COMMD10: variants seen among roughly 807,000 people sequenced by gnomAD.
COMMD10 encodes COMM domain containing 10.
A neutral mutation model predicts 28.9 loss-of-function variants in COMMD10; 33 were observed. The observed-to-expected ratio is 1.14, with a 90% confidence interval of 0.87 to 1.53. The LOEUF (loss-of-function observed/expected upper bound fraction) is 1.53. Among genes scored for constraint, COMMD10 ranks in the 40% most tolerant of loss-of-function variants. The pLI is 0.00. For missense variants in COMMD10, 310 were observed against 233.4 expected, an observed-to-expected ratio of 1.33 and a Z score of -2.14; for synonymous variants, 110 against 81.7, an observed-to-expected ratio of 1.35 and a Z score of -1.87.
At chr5:116,119,384 C>T (rs899942276) in intron 4 of COMMD10, among the ~76,000 whole-genome samples, 1 of 152,074 alleles carries the variant, frequency 6.6e-6, no homozygotes, top group African/African-American at 2.4e-5. Flanking sequence ...GTACAGAGTG[C>T]CAAAATGAAT....
chr5:116,206,095 G>C (rs1748804912), intron 5 of COMMD10, among the ~76,000 whole-genome samples: 1 of 152,190 alleles, frequency 6.6e-6, no homozygotes, highest in Non-Finnish European at 1.5e-5. Context: ...AATATCTTCA[G>C]ATCAAACGTT....
At chr5:116,167,587 G>A (rs938714054) in intron 5 of COMMD10, among the ~76,000 whole-genome samples, 2 of 152,278 alleles carry the variant, frequency 1.3e-5, no homozygotes, top group Middle Eastern at 6.8e-3. Context: ...GTTAAGGGCA[G>A]CCAGAGAGAC....
intron 5 of COMMD10, among the ~76,000 whole-genome samples, chr5:116,259,577 G>A (rs55708487): frequency 0.36 from 54,800 of 151,110 alleles, 12,373 homozygotes; most frequent in African/African-American, 0.64. Flanking sequence ...GAGAGCCTAG[G>A]CTGAACAGTC....
At chr5:116,116,756 G>T (rs943501478) in intron 4 of COMMD10, among the ~76,000 whole-genome samples, 5 of 143,074 alleles carry the variant, frequency 3.5e-5, no homozygotes, top group African/African-American at 1.3e-4. Context: ...CTGTCGCCCA[G>T]GCCGGACTGT....
intron 5 of COMMD10, among the ~76,000 whole-genome samples, chr5:116,227,838 C>T (rs1309063396): frequency 6.6e-6 from 1 of 152,034 alleles, no homozygotes; most frequent in African/African-American, 2.4e-5. Flanking sequence ...CACCCAGGGA[C>T]ATCAGTGTGT....
chr5:116,110,037 C>T (rs1168464760), intron 4 of COMMD10, among the ~76,000 whole-genome samples: 3 of 152,104 alleles, frequency 2.0e-5, no homozygotes, highest in Non-Finnish European at 4.4e-5. Flanking sequence ...TATTATGATG[C>T]ATATTTCTTC....
chr5:116,102,915 G>A (rs1483489931), intron 4 of COMMD10, among the ~76,000 whole-genome samples: 1 of 152,124 alleles, frequency 6.6e-6, no homozygotes, highest in African/African-American at 2.4e-5. Context: ...AGAACATGCG[G>A]TGTTTGGTTT....
intron 5 of COMMD10, among the ~76,000 whole-genome samples, chr5:116,150,557 T>C (rs1580492432): frequency 2.1e-5 from 3 of 141,464 alleles, no homozygotes; most frequent in African/African-American, 2.9e-5. Flanking sequence ...TAGTTCTCCT[T>C]GAAGAGGTCC....
chr5:116,143,284 A>G (rs1752250115), intron 5 of COMMD10, among the ~76,000 whole-genome samples: 1 of 151,768 alleles, frequency 6.6e-6, no homozygotes, highest in South Asian at 2.1e-4. Context: ...TTATAAGCTA[A>G]CAAAAATACT....
chr5:116,218,161 A>T lies in COMMD10; in HGVS notation c.511-73356A>T, dbSNP rs143504097. ...TGGGTACCTTCTCTCCCTTCTTTGC[A>T]GGGGCCTTTTTAGGCCTGGGCTCTG... On this transcript the variant is annotated intron_variant, in intron 5 of 6. Coordinates refer to ENST00000274458, the MANE Select transcript of COMMD10 (RefSeq NM_016144.4). 1.7e-3 allele frequency: 1,613 copies of T among 963,618 alleles called. 20 individuals are homozygous for T. The African/African-American group carries it at 0.024, about 14-fold the overall frequency. The allele number at this position is 963,618 out of a possible 1,614,324, so 59.7% of individuals were successfully genotyped here.
At chr5:116,090,397 G>A (rs191496796) in intron 2 of COMMD10, among the ~76,000 whole-genome samples, 30 of 152,320 alleles carry the variant, frequency 2.0e-4, no homozygotes, top group African/African-American at 7.0e-4. Context: ...ATTGGGAAAT[G>A]CTGATGGAAG....
intron 1 of COMMD10, chr5:116,085,413 G>A (rs1750061122): frequency 2.6e-6 from 1 of 390,368 alleles, no homozygotes; most frequent in Non-Finnish European, 4.6e-6. Flanking sequence ...CCCGGGTGCT[G>A]CCTTCAGTGC....
At chr5:116,263,923 G>T (rs1158318924) in intron 5 of COMMD10, among the ~76,000 whole-genome samples, 1 of 151,730 alleles carries the variant, frequency 6.6e-6, no homozygotes, top group Non-Finnish European at 1.5e-5. Context: ...ACAAGCCATG[G>T]TCGCTCATAT....
rs534275171 is a variant in COMMD10 at position 116,256,930 on chromosome 5, A to G, written c.511-34587A>G. Among the ~76,000 whole-genome samples the G allele has an allele frequency of 6.6e-5, 10 of 151,852 alleles. 1 individual carries two copies. Among genetic ancestry groups the G allele is most frequent in the Non-Finnish European group, 1.2e-4 (8 of 67,962 alleles). The stretch of plus-strand genomic sequence containing the variant: ...TACTGATAAACAACTCTTTTATTAG[A>G]CTTACTCACACATATGTACTTAACA... On this transcript the variant is annotated intron_variant, in intron 5 of 6. Transcript: ENST00000274458.
At chr5:116,118,179 T>A (rs961237259) in intron 4 of COMMD10, among the ~76,000 whole-genome samples, 1 of 152,214 alleles carries the variant, frequency 6.6e-6, no homozygotes, top group African/African-American at 2.4e-5. Context: ...TGTTTAAATG[T>A]CACATTTGTC....
chr5:116,206,332 T>G (rs1245354556), intron 5 of COMMD10, among the ~76,000 whole-genome samples: 2 of 152,126 alleles, frequency 1.3e-5, no homozygotes, highest in African/African-American at 4.8e-5. Flanking sequence ...TTATCATTGA[T>G]TTCTAGCACT....
intron 5 of COMMD10, among the ~76,000 whole-genome samples, chr5:116,201,999 C>A (rs1748679582): frequency 1.3e-5 from 2 of 151,302 alleles, no homozygotes; most frequent in South Asian, 4.2e-4. Context: ...AACTCGTCAT[C>A]TAGCATTAGG....
intron 5 of COMMD10, among the ~76,000 whole-genome samples, chr5:116,224,401 T>G (rs1399196684): frequency 6.6e-6 from 1 of 152,136 alleles, no homozygotes; most frequent in African/African-American, 2.4e-5. Flanking sequence ...CTGGGTAATT[T>G]ACAAAGGAAT....
chr5:116,094,552 C>G (rs983257440), intron 4 of COMMD10, among the ~76,000 whole-genome samples: 1 of 152,084 alleles, frequency 6.6e-6, no homozygotes, highest in African/African-American at 2.4e-5. Flanking sequence ...GAAAAGGGAA[C>G]TCTCATATGC....
Sources: gnomAD v4.1 joint callset for allele counts (sites outside exome capture counted in the v4.1 genomes callset) on GRCh38, gnomAD v4.1.1 for gene constraint, MANE v1.5 for transcripts, NCBI Gene and HGNC (gene_info 2026-07-23, HGNC 2026-07-21) for gene names.